The following LIMS1 variants were observed in gnomAD, a reference collection of about 807,000 sequenced individuals.
LIMS1 encodes LIM zinc finger domain containing 1.
Under a neutral mutation model 44.1 loss-of-function variants are expected in LIMS1, and 18 were observed. The observed-to-expected ratio is 0.41, with a 90% CI of 0.28 to 0.61. The LOEUF is 0.61. Ranked by LOEUF, LIMS1 falls within the 20% of genes least tolerant of loss-of-function variation. The probability of loss-of-function intolerance (pLI) is 0.32; values close to 1 mark genes in which losing one functional copy is unlikely to be tolerated. For missense variants in LIMS1, 201 were observed against 422.0 expected (o/e 0.48, Z 4.59); for synonymous variants, 93 against 149.1 (o/e 0.62, Z 2.74).
intron 1 of LIMS1, chr2:108,621,388 T>A (rs1199603444): frequency 2.6e-6 from 4 of 1,550,864 alleles, no homozygotes; most frequent in Non-Finnish European, 1.7e-6. Context: ...GCTTTCACAT[T>A]CAGGTCTCTA....
chr2:108,621,744 T>G (rs533040883), intron 1 of LIMS1, among the ~76,000 whole-genome samples: 66 of 152,318 alleles, frequency 4.3e-4, no homozygotes, highest in African/African-American at 1.5e-3. Context: ...ACCAGAAATA[T>G]TTTAAATTGA....
At chr2:108,659,866 A>G (rs1213048290) in intron 2 of LIMS1, 102 bp downstream of exon 2, 17 of 1,599,324 alleles carry the variant, frequency 1.1e-5, no homozygotes, top group Non-Finnish European at 1.4e-5. Context: ...TTTCATGATG[A>G]AAGACTGAAG....
intron 1 of LIMS1, among the ~76,000 whole-genome samples, chr2:108,560,358 C>T (rs1333524033): frequency 2.0e-5 from 3 of 152,104 alleles, no homozygotes; most frequent in African/African-American, 7.2e-5. Context: ...TAGAGAGACC[C>T]ATGAGGCCCC....
intron 1 of LIMS1, among the ~76,000 whole-genome samples, chr2:108,637,115 G>A (rs1689325183): frequency 6.6e-6 from 1 of 150,436 alleles, no homozygotes; most frequent in African/African-American, 2.4e-5. Flanking sequence ...GTGTGTGTGT[G>A]TGTGTGTGTG....
At position 108,667,555 on chromosome 2, in the gene LIMS1, T is replaced by A. The variant is rs866447609; in HGVS notation, c.193-3226T>A. On this transcript the variant is annotated intron_variant, in intron 2 of 9. Transcript: ENST00000544547. ...ACCTTTTTTAAAAAAAAAAAAAATA[T>A]ATATATATATATATACTGCTGGGCT... Among the ~76,000 whole-genome samples, 227 of 124,956 alleles carry A rather than the reference T, an allele frequency of 1.8e-3. 2 individuals carry two copies. The highest frequency in any genetic ancestry group is 0.012 in the South Asian group (43 of 3,732). The allele number at this position is 124,956 out of a possible 152,430, so 82.0% of individuals were successfully genotyped here. A position where few individuals can be genotyped will look rare whatever the true frequency, so the allele number is the denominator to read the frequency against.
rs563981573 is a variant in LIMS1, at chr2:108,606,028, C to A, written c.33-53577C>A. ...CTCGGGCCCAAGTACCAGGTTCCTGCTGCCAGCTCTGCCCCCAGTTTGGGG... is the reference window on the plus strand; with the variant it reads ...CTCGGGCCCAAGTACCAGGTTCCTGATGCCAGCTCTGCCCCCAGTTTGGGG... On this transcript the variant is annotated intron_variant, in intron 1 of 9. Coordinates refer to ENST00000544547, the Ensembl canonical transcript of LIMS1. Among the ~76,000 whole-genome samples the A allele has an allele frequency of 5.9e-5, 9 of 152,366 alleles. No individual in the cohort carries two copies. The East Asian group carries it at 1.7e-3, about 29-fold the overall frequency.
At chr2:108,627,959 G>A (rs1688674399) in intron 1 of LIMS1, among the ~76,000 whole-genome samples, 1 of 152,198 alleles carries the variant, frequency 6.6e-6, no homozygotes, top group Non-Finnish European at 1.5e-5. Flanking sequence ...ACAGAAATTT[G>A]TTGTCGTAGA....
intron 1 of LIMS1, among the ~76,000 whole-genome samples, chr2:108,570,449 A>G (rs905417229): frequency 4.6e-5 from 7 of 152,142 alleles, no homozygotes; most frequent in African/African-American, 7.2e-5. Flanking sequence ...AAGTAATACT[A>G]TATTCTCTTT....
At chr2:108,662,471 C>G in intron 2 of LIMS1, 1 of 1,381,242 alleles carries the variant, frequency 7.2e-7, no homozygotes, top group Non-Finnish European at 9.7e-7. Flanking sequence ...GCGATGAATA[C>G]CCAGAACTAG....
chr2:108,559,970 C>A (rs1426985703), intron 1 of LIMS1, among the ~76,000 whole-genome samples: 1 of 149,736 alleles, frequency 6.7e-6, no homozygotes, highest in East Asian at 2.1e-4. Context: ...CCCATGGAGT[C>A]CTGGGTTCTC....
chr2:108,631,550 C>CTT (rs67517304), intron 1 of LIMS1, among the ~76,000 whole-genome samples: 2 of 143,098 alleles, frequency 1.4e-5, no homozygotes, highest in African/African-American at 2.6e-5. Context: ...ACCGTGTTGC[C>CTT]TTTTTTTTTT....
intron 1 of LIMS1, among the ~76,000 whole-genome samples, chr2:108,602,198 G>C (rs1416583880): frequency 6.6e-6 from 1 of 152,098 alleles, no homozygotes; most frequent in Non-Finnish European, 1.5e-5. Flanking sequence ...TAGTTTTTTG[G>C]TGAAGTCCTT....
chr2:108,604,966 G>A (rs777769733), intron 1 of LIMS1, among the ~76,000 whole-genome samples: 10 of 152,210 alleles, frequency 6.6e-5, no homozygotes, highest in Non-Finnish European at 1.2e-4. Context: ...AGTCTGAACA[G>A]GATACTGAAG....
chr2:108,547,767 G>A (rs1684534722), intron 1 of LIMS1, among the ~76,000 whole-genome samples: 1 of 152,158 alleles, frequency 6.6e-6, no homozygotes, highest in Non-Finnish European at 1.5e-5. Context: ...TAAGGTCATT[G>A]CCTACATTAG....
intron 1 of LIMS1, among the ~76,000 whole-genome samples, chr2:108,592,199 A>AT (rs1469323869): frequency 6.6e-6 from 1 of 152,136 alleles, no homozygotes; most frequent in Non-Finnish European, 1.5e-5. Flanking sequence ...AGAAGGAGGT[A>AT]TACAGGAGCA....
intron 1 of LIMS1, among the ~76,000 whole-genome samples, chr2:108,564,912 T>A (rs1385756808): frequency 2.0e-5 from 3 of 151,844 alleles, no homozygotes; most frequent in Non-Finnish European, 4.4e-5. Context: ...TGTACTGTAG[T>A]CACTGTACCC....
intron 1 of LIMS1, among the ~76,000 whole-genome samples, chr2:108,606,442 G>A (rs1467138774): frequency 6.6e-6 from 1 of 152,162 alleles, no homozygotes; most frequent in East Asian, 1.9e-4. Context: ...TTTTGGAAGG[G>A]GGGCGGATTT....
intron 1 of LIMS1, among the ~76,000 whole-genome samples, chr2:108,587,293 TGTGTG>T (rs779405172): frequency 0.12 from 10,589 of 90,098 alleles, 500 homozygotes; most frequent in Non-Finnish European, 0.13. Flanking sequence ...TTGGGGTTTG[TGTGTG>T]TGTGTGTGTG....
intron 1 of LIMS1, among the ~76,000 whole-genome samples, chr2:108,545,875 A>AT (rs1367115797): frequency 6.6e-6 from 1 of 152,186 alleles, no homozygotes; most frequent in African/African-American, 2.4e-5. Context: ...TTCAATCTGG[A>AT]TTATTATTAA....
Sources: allele counts gnomAD v4.1 joint callset (sites outside exome capture counted in the v4.1 genomes callset), GRCh38; gene constraint gnomAD v4.1.1; transcripts MANE v1.5; gene names NCBI Gene and HGNC (gene_info 2026-07-23, HGNC 2026-07-21).